GRAMD1C: variants seen among roughly 807,000 people sequenced by gnomAD.
The protein encoded by GRAMD1C is GRAM domain containing 1C, also known as protein Aster-C.
In GRAMD1C, 89 loss-of-function variants were observed where a neutral mutation model predicts 97.8. That is an observed-to-expected ratio of 0.91 (90% CI 0.77 to 1.09). GRAMD1C has a LOEUF of 1.09. Ranked by LOEUF, GRAMD1C falls within the 50% of genes least tolerant of loss-of-function variation. GRAMD1C has a pLI of 0.00. For missense variants in GRAMD1C, 740 were observed against 766.4 expected, an observed-to-expected ratio of 0.97 and a Z score of 0.41; for synonymous variants, 256 against 267.0, an observed-to-expected ratio of 0.96 and a Z score of 0.40.
intron 1 of GRAMD1C, among the ~76,000 whole-genome samples, chr3:113,843,976 A>T (rs1257668897): frequency 6.6e-6 from 1 of 152,186 alleles, no homozygotes; most frequent in African/African-American, 2.4e-5. Context: ...GTACAAACGG[A>T]CACTCCCATT....
At chr3:113,944,587 T>C (rs1937978443) in intron 17 of GRAMD1C, among the ~76,000 whole-genome samples, 1 of 152,210 alleles carries the variant, frequency 6.6e-6, no homozygotes, top group South Asian at 2.1e-4. Flanking sequence ...CAGAAAATGA[T>C]GCTACCATCC....
intron 2 of GRAMD1C, among the ~76,000 whole-genome samples, chr3:113,857,426 G>A (rs1466584051): frequency 2.0e-5 from 3 of 151,082 alleles, no homozygotes; most frequent in African/African-American, 2.4e-5. Flanking sequence ...CCCAGGCTGG[G>A]GTGCAGTGAC....
chr3:113,903,174 C>T (rs1324415760), intron 7 of GRAMD1C, among the ~76,000 whole-genome samples: 2 of 151,074 alleles, frequency 1.3e-5, no homozygotes, highest in Non-Finnish European at 2.9e-5. Context: ...GGCATTTCAC[C>T]ATGTTGGCCA....
At chr3:113,860,344 A>G (rs1378722880) in intron 2 of GRAMD1C, among the ~76,000 whole-genome samples, 1 of 152,138 alleles carries the variant, frequency 6.6e-6, no homozygotes, top group Non-Finnish European at 1.5e-5. Flanking sequence ...ATACTTGTAT[A>G]CTGAAAACAA....
chr3:113,831,765 T>C (rs986837028), intron 1 of GRAMD1C, among the ~76,000 whole-genome samples: 1 of 92,390 alleles, frequency 1.1e-5, no homozygotes, highest in African/African-American at 3.3e-5. Flanking sequence ...AGAGTTTCTA[T>C]GTGGTTCCTT....
At chr3:113,894,108 A>G (rs184107622) in intron 6 of GRAMD1C, among the ~76,000 whole-genome samples, 8 of 152,286 alleles carry the variant, frequency 5.3e-5, no homozygotes, top group Admixed American at 3.3e-4. Flanking sequence ...TACTAAGAAA[A>G]TAGGGTTCGT....
rs1212004082 is a variant in GRAMD1C, at chr3:113,882,760, C to T, written c.468C>T (p.Phe156=). Residue 156 remains phenylalanine (F), a synonymous_variant, in exon 6 of 18, where the codon TTC becomes TTT. Coordinates refer to ENST00000358160, the MANE Select transcript of GRAMD1C (RefSeq NM_017577.5). ...ATTATTTTTCTTTGCAGTTTTTCTT[C>T]ACATCTTTTGGTGCCAGGGATAGAA... The part of the protein sequence containing the change: ...QIVTESEKFF[F]TSFGARDRSY... 2.5e-6 allele frequency: 4 copies of T among 1,573,618 alleles called. No homozygotes were observed. The highest frequency in any genetic ancestry group is 3.3e-4 in the Middle Eastern group (2 of 5,980).
Position 113,876,357 on chromosome 3 carries a change from G to A in GRAMD1C, c.459+97G>A, listed in dbSNP as rs1379714639. 5.9e-6 allele frequency: 4 copies of A among 681,946 alleles called. No individual in the cohort carries two copies. The African/African-American group carries it at 7.2e-5, about 12-fold the overall frequency. The allele number at this position is 681,946 out of a possible 1,614,324, so 42.2% of individuals were successfully genotyped here. A position where few individuals can be genotyped will look rare whatever the true frequency, so the allele number is the denominator to read the frequency against. On this transcript the variant is annotated intron_variant, in intron 5 of 17. Coordinates refer to ENST00000358160, the MANE Select transcript of GRAMD1C (RefSeq NM_017577.5). ...GGGAAATTAGGCAGTTCTTCCTGGA[G>A]TTAGGAATATCTGATACACATATGT... is the stretch of plus-strand genomic sequence containing the variant.
intron 10 of GRAMD1C, among the ~76,000 whole-genome samples, chr3:113,925,616 T>A (rs1033931276): frequency 1.3e-5 from 2 of 152,242 alleles, no homozygotes; most frequent in East Asian, 3.8e-4. Flanking sequence ...TTTTATCTTG[T>A]CATTGTGTTG....
chr3:113,871,049 A>G (rs2107373280), intron 3 of GRAMD1C, among the ~76,000 whole-genome samples: 1 of 152,094 alleles, frequency 6.6e-6, no homozygotes, highest in East Asian at 1.9e-4. Context: ...CTAAGAAAAT[A>G]TAACTAAAAA....
At chr3:113,891,695 TAG>T in intron 6 of GRAMD1C, among the ~76,000 whole-genome samples, 1 of 149,040 alleles carries the variant, frequency 6.7e-6, no homozygotes. Context: ...CTGGGCAACA[TAG>T]AGAGACCCCA....
Position 113,847,826 on chromosome 3 carries a change from C to G in GRAMD1C, c.174+3177C>G, listed in dbSNP as rs932487721. ...AGTGAGATCCCATCTCTAAAACAAACAAATGAAAATAAAACAAAACACAAG... is the reference window on the plus strand; with the variant it reads ...AGTGAGATCCCATCTCTAAAACAAAGAAATGAAAATAAAACAAAACACAAG... On this transcript the variant is annotated intron_variant, in intron 2 of 17. Coordinates refer to ENST00000358160, the MANE Select transcript of GRAMD1C (RefSeq NM_017577.5). Among the ~76,000 whole-genome samples, 9 of 150,976 alleles carry G rather than the reference C, an allele frequency of 6.0e-5. No individual in the cohort carries two copies. The South Asian group carries it at 1.7e-3, about 28-fold the overall frequency.
chr3:113,889,643 CTT>C (rs987550678), intron 6 of GRAMD1C, among the ~76,000 whole-genome samples: 2 of 142,796 alleles, frequency 1.4e-5, no homozygotes. Context: ...AAGAAAGCCT[CTT>C]TTTTTTTTTT....
At chr3:113,832,440 G>A (rs1321715358) in intron 1 of GRAMD1C, among the ~76,000 whole-genome samples, 3 of 152,064 alleles carry the variant, frequency 2.0e-5, no homozygotes, top group African/African-American at 7.2e-5. Context: ...ACTTTTTTAT[G>A]TTATGGTAAA....
chr3:113,849,267 T>TTTTATTTATTTA lies in GRAMD1C; in HGVS notation c.174+4650_174+4661dup, dbSNP rs200581881. On this transcript the variant is annotated intron_variant, in intron 2 of 17. Coordinates refer to ENST00000358160, the MANE Select transcript of GRAMD1C (RefSeq NM_017577.5). ...AGTGCTTTGGATAAGCTAGTTAATA[T>TTTTATTTATTTA]TTTATTTATTTATTTATTTATTTAT... 1.1e-3 allele frequency among the ~76,000 whole-genome samples: 160 copies of TTTTATTTATTTA among 141,552 alleles called. 1 individual carries two copies. Among genetic ancestry groups the TTTTATTTATTTA allele is most frequent in the Middle Eastern group, 7.2e-3 (2 of 276 alleles). 92.9% of individuals were successfully genotyped at this position (141,552 alleles called of 152,430 possible).
At chr3:113,919,403 A>G (rs1936953729) in intron 10 of GRAMD1C, 1 of 511,138 alleles carries the variant, frequency 2.0e-6, no homozygotes, top group East Asian at 5.6e-5. Flanking sequence ...ACCTGGATAG[A>G]GGCTAGAGCA....
intron 13 of GRAMD1C, among the ~76,000 whole-genome samples, chr3:113,935,353 C>T: frequency 6.6e-6 from 1 of 151,992 alleles, no homozygotes; most frequent in East Asian, 1.9e-4. Flanking sequence ...TGCAGCTTTC[C>T]TGGGCTTATG....
At chr3:113,872,019 G>C (rs1357326924) in intron 3 of GRAMD1C, among the ~76,000 whole-genome samples, 1 of 152,106 alleles carries the variant, frequency 6.6e-6, no homozygotes, top group Non-Finnish European at 1.5e-5. Flanking sequence ...TCAGTGTCTA[G>C]AACTCGATGA....
chr3:113,899,997 G>A (rs947361140), intron 6 of GRAMD1C, among the ~76,000 whole-genome samples: 2 of 152,106 alleles, frequency 1.3e-5, no homozygotes, highest in African/African-American at 2.4e-5. Flanking sequence ...AAGAGGACAG[G>A]TTCTAAGCTG....
Sources: allele counts gnomAD v4.1 joint callset (sites outside exome capture counted in the v4.1 genomes callset), GRCh38; gene constraint gnomAD v4.1.1; transcripts MANE v1.5; gene names NCBI Gene and HGNC (gene_info 2026-07-23, HGNC 2026-07-21).